DCTN6: variants seen among roughly 807,000 people sequenced by gnomAD.
DCTN6 encodes the protein dynactin subunit 6, also known as dynactin 6.
In DCTN6, 15 loss-of-function variants were observed where a neutral mutation model predicts 25.8. The observed-to-expected ratio is 0.58, with a 90% CI of 0.39 to 0.89. DCTN6 has a LOEUF of 0.89. Ranked by LOEUF, DCTN6 falls within the 40% of genes least tolerant of loss-of-function variation. The probability of loss-of-function intolerance (pLI) is 0.00; values close to 1 mark genes in which losing one functional copy is unlikely to be tolerated. For synonymous variants in DCTN6, 64 were observed against 78.3 expected (o/e 0.82, Z 0.96); for missense variants, 198 against 237.6 (o/e 0.83, Z 1.09).
chr8:30,157,230 C>T (rs1444458908), intron 1 of DCTN6, among the ~76,000 whole-genome samples: 4 of 152,202 alleles, frequency 2.6e-5, no homozygotes, highest in African/African-American at 2.4e-5. Context: ...AAGGTAATGG[C>T]CTCCAGTTCC....
Position 30,179,475 on chromosome 8 carries a change from T to A in DCTN6, c.331+20T>A. On this transcript the variant is annotated intron_variant, in intron 5 of 6. Transcript: ENST00000221114. Reference sequence around the variant, plus strand: ...CAAAAGGTAAGCTACATTCAGAGTTTCATTGTCAAAGCAGTGACCTCTTTT... The same window carrying A: ...CAAAAGGTAAGCTACATTCAGAGTTACATTGTCAAAGCAGTGACCTCTTTT... The A allele has an allele frequency of 6.2e-7, 1 of 1,605,274 alleles. No individual in the cohort carries two copies. Among genetic ancestry groups the A allele is most frequent in the Non-Finnish European group, 8.5e-7 (1 of 1,174,296 alleles).
At chr8:30,162,807 G>A (rs1026904427) in intron 1 of DCTN6, among the ~76,000 whole-genome samples, 3 of 152,118 alleles carry the variant, frequency 2.0e-5, no homozygotes, top group African/African-American at 4.8e-5. Context: ...ATATATATAT[G>A]AGAGTAAACA....
At chr8:30,161,649 G>GA (rs1803596547) in intron 1 of DCTN6, among the ~76,000 whole-genome samples, 1 of 152,162 alleles carries the variant, frequency 6.6e-6, no homozygotes, top group African/African-American at 2.4e-5. Context: ...TCCAACCTGG[G>GA]AGGGGGGAAG....
intron 4 of DCTN6, chr8:30,177,478 T>C (rs1016827617): frequency 4.5e-6 from 1 of 223,018 alleles, no homozygotes; most frequent in Non-Finnish European, 8.9e-6. Context: ...AGGCCGAAGC[T>C]GGCGGATCAC....
At chr8:30,156,729 G>C (rs1171809136) in intron 1 of DCTN6, among the ~76,000 whole-genome samples, 1 of 152,164 alleles carries the variant, frequency 6.6e-6, no homozygotes, top group Non-Finnish European at 1.5e-5. Context: ...CTTTTTCCTG[G>C]GGAAGGCCGG....
chr8:30,178,618 C>T (rs1319240197), intron 4 of DCTN6, among the ~76,000 whole-genome samples: 1 of 151,784 alleles, frequency 6.6e-6, no homozygotes, highest in Non-Finnish European at 1.5e-5. Context: ...CCACTAGGAG[C>T]ATTAAGCAGT....
intron 6 of DCTN6, among the ~76,000 whole-genome samples, chr8:30,181,635 G>A (rs190069570): frequency 1.3e-5 from 2 of 152,194 alleles, no homozygotes; most frequent in Non-Finnish European, 1.5e-5. Flanking sequence ...ATAGTTTCAA[G>A]CACTGTGCGA....
intron 1 of DCTN6, 97 bp downstream of exon 1, chr8:30,156,503 C>A: frequency 1.4e-6 from 2 of 1,433,044 alleles, no homozygotes; most frequent in Non-Finnish European, 1.9e-6. Flanking sequence ...GGTGTCTCAT[C>A]CTGGGCATTC....
rs1003374765 is a variant in DCTN6 at position 30,183,273 on chromosome 8, A to G, written c.*100A>G. ...CTCTTAACAACTCACAGAATAATAC[A>G]TGTTCACTTTATTTTGTAAAATTGG... is the stretch of plus-strand genomic sequence containing the variant. On this transcript the variant is annotated 3_prime_UTR_variant, in exon 7 of 7. Transcript: ENST00000221114. The G allele has an allele frequency of 1.8e-5, 16 of 865,440 alleles. No homozygotes were observed. The highest frequency in any genetic ancestry group is 2.8e-5 in the East Asian group (1 of 35,216). 53.6% of individuals were successfully genotyped at this position (865,440 alleles called of 1,614,324 possible). A position where few individuals can be genotyped will look rare whatever the true frequency, so the allele number is the denominator to read the frequency against.
rs571417752 is a variant in DCTN6, at chr8:30,171,427, A to G, written c.89-3658A>G. On this transcript the variant is annotated intron_variant, in intron 2 of 6. Coordinates refer to ENST00000221114, the MANE Select transcript of DCTN6 (RefSeq NM_006571.4). ...ACCATAACTGGCCAATTTTTTTTTA[A>G]TTTTTCATTTTGTAGAGAAGGGGGT... Among the ~76,000 whole-genome samples the G allele has an allele frequency of 1.7e-3, 262 of 150,726 alleles. 1 individual carries two copies. The highest frequency in any genetic ancestry group is 6.8e-3 in the Middle Eastern group (2 of 294).
chr8:30,162,214 CCAGTAGCTGGGACTA>C (rs1803607200), intron 1 of DCTN6, among the ~76,000 whole-genome samples: 1 of 152,208 alleles, frequency 6.6e-6, no homozygotes, highest in Non-Finnish European at 1.5e-5. Context: ...CTCAGCCTCC[CCAGTAGCTGGGACTA>C]CAGGCCACCA....
intron 6 of DCTN6, among the ~76,000 whole-genome samples, chr8:30,181,714 C>T (rs1803912981): frequency 1.3e-5 from 2 of 151,718 alleles, no homozygotes; most frequent in Admixed American, 6.6e-5. Flanking sequence ...ATCATGAGAC[C>T]CCATCTCTAC....
chr8:30,169,207 C>T (rs1159445498), intron 2 of DCTN6, among the ~76,000 whole-genome samples: 1 of 152,194 alleles, frequency 6.6e-6, no homozygotes, highest in Non-Finnish European at 1.5e-5. Flanking sequence ...GTGGCTTTGA[C>T]TTGAGAAATT....
chr8:30,161,862 C>T (rs1162813443), intron 1 of DCTN6, among the ~76,000 whole-genome samples: 2 of 151,376 alleles, frequency 1.3e-5, no homozygotes, highest in African/African-American at 4.9e-5. Context: ...ACTCTCCTGC[C>T]TCAGCCTCCC....
intron 1 of DCTN6, among the ~76,000 whole-genome samples, chr8:30,159,224 T>C (rs1432757127): frequency 7.7e-6 from 1 of 130,602 alleles, no homozygotes; most frequent in Non-Finnish European, 1.7e-5. Context: ...TTCTTGAAGA[T>C]AGACTCAGGG....
At chr8:30,163,323 T>G (rs753689101) in intron 1 of DCTN6, among the ~76,000 whole-genome samples, 5 of 152,070 alleles carry the variant, frequency 3.3e-5, no homozygotes, top group Non-Finnish European at 7.4e-5. Flanking sequence ...GGTCTCACTA[T>G]GTTGCCCAGG....
chr8:30,174,444 T>A (rs1803804549), intron 2 of DCTN6, among the ~76,000 whole-genome samples: 1 of 152,118 alleles, frequency 6.6e-6, no homozygotes, highest in Non-Finnish European at 1.5e-5. Flanking sequence ...ATGATTCTCC[T>A]GCCTCAGCCT....
At chr8:30,181,855 T>A (rs1230484293) in intron 6 of DCTN6, among the ~76,000 whole-genome samples, 1 of 147,800 alleles carries the variant, frequency 6.8e-6, no homozygotes, top group African/African-American at 2.5e-5. Flanking sequence ...ACCACTGCAC[T>A]CCAGCCTGGG....
chr8:30,181,090 TC>T (rs576892673), intron 6 of DCTN6: 1 of 162,842 alleles, frequency 6.1e-6, no homozygotes, highest in Non-Finnish European at 1.3e-5. Flanking sequence ...TGCAGTTCAA[TC>T]CCTAAAACCA....
Sources: allele counts gnomAD v4.1 joint callset (sites outside exome capture counted in the v4.1 genomes callset), GRCh38; gene constraint gnomAD v4.1.1; transcripts MANE v1.5; gene names NCBI Gene and HGNC (gene_info 2026-07-23, HGNC 2026-07-21).